Variants in AP2S1 observed in about 807,000 individuals in gnomAD.
The protein encoded by AP2S1 is adaptor related protein complex 2 subunit sigma 1.
Under a neutral mutation model 21.0 loss-of-function variants are expected in AP2S1, and 6 were observed. That is an observed-to-expected ratio of 0.29 (90% CI 0.16 to 0.56). The LOEUF (loss-of-function observed/expected upper bound fraction) is 0.56, where lower values mean the gene tolerates loss of function less well. AP2S1 is among the 20% of genes least tolerant of loss of function. The pLI, the probability that AP2S1 is intolerant of heterozygous loss-of-function variation, is 0.92. For missense variants in AP2S1, 60 were observed against 186.2 expected (o/e 0.32, Z 3.95); for synonymous variants, 63 against 74.6 (o/e 0.84, Z 0.80).
intron 2 of AP2S1, 90 bp from the exon 3 acceptor site, chr19:46,839,668 A>C (rs1438443435): frequency 6.3e-7 from 1 of 1,584,146 alleles, no homozygotes; most frequent in Non-Finnish European, 8.6e-7. Flanking sequence ...CCTTCACTCC[A>C]TACGTGGTCC....
At chr19:46,843,616 G>A (rs551714712) in intron 2 of AP2S1, among the ~76,000 whole-genome samples, 7 of 152,196 alleles carry the variant, frequency 4.6e-5, no homozygotes, top group African/African-American at 1.4e-4. Flanking sequence ...CCAGCTACTC[G>A]GGAGGCTGAG....
At chr19:46,839,410 G>C (rs1484061041) in intron 3 of AP2S1, 55 bp downstream of exon 3, 1 of 1,590,790 alleles carries the variant, frequency 6.3e-7, no homozygotes, top group Non-Finnish European at 8.6e-7. Context: ...GGCCTTGGGG[G>C]CCACTCCAGG....
At chr19:46,840,948 G>T (rs954481459) in intron 2 of AP2S1, among the ~76,000 whole-genome samples, 2 of 150,852 alleles carry the variant, frequency 1.3e-5, no homozygotes, top group Non-Finnish European at 3.0e-5. Flanking sequence ...ATGTTTTCAG[G>T]GTTTTTTTTG....
chr19:46,846,039 T>C lies in AP2S1; in HGVS notation c.107A>G (p.His36Arg). 6.2e-7 allele frequency: 1 copy of C among 1,614,140 alleles called. No individual in the cohort carries two copies. The highest frequency in any genetic ancestry group is 8.5e-7 in the Non-Finnish European group (1 of 1,180,032). ...DEKQKLIEEVHAVVTVRDAKH... is the reference protein window; with the variant it reads ...DEKQKLIEEVRAVVTVRDAKH... Reference sequence around the variant, plus strand: ...GGCGTCTCGGACGGTGACCACGGCATGCACCTCCTCGATCAGCTTCTGTTT... The same window carrying C: ...GGCGTCTCGGACGGTGACCACGGCACGCACCTCCTCGATCAGCTTCTGTTT... The change falls in exon 2 of 5, where the codon CAT becomes CGT. Residue 36 changes from histidine to arginine, a missense_variant. His to Arg is a conservative substitution (Grantham distance 29, BLOSUM62 0). Transcript: ENST00000263270.
At chr19:46,841,678 G>T (rs1293362513) in intron 2 of AP2S1, among the ~76,000 whole-genome samples, 1 of 152,244 alleles carries the variant, frequency 6.6e-6, no homozygotes, top group Non-Finnish European at 1.5e-5. Flanking sequence ...CCTGCAAAGG[G>T]CTGGCACAGG....
intron 1 of AP2S1, 178 bp downstream of exon 1, chr19:46,850,586 G>T: frequency 1.6e-6 from 1 of 643,936 alleles, no homozygotes; most frequent in East Asian, 3.4e-5. Context: ...ACCCCCGCGC[G>T]CAGAATCACC....
At chr19:46,841,991 G>A (rs940376801) in intron 2 of AP2S1, among the ~76,000 whole-genome samples, 2 of 152,102 alleles carry the variant, frequency 1.3e-5, no homozygotes, top group African/African-American at 4.8e-5. Flanking sequence ...GAGCAGTTTA[G>A]GCAACATATC....
At chr19:46,849,952 C>T (rs778395551) in intron 1 of AP2S1, among the ~76,000 whole-genome samples, 5 of 152,156 alleles carry the variant, frequency 3.3e-5, no homozygotes, top group Non-Finnish European at 4.4e-5. Context: ...AGAACCCTTT[C>T]CTAGATCCAA....
intron 1 of AP2S1, among the ~76,000 whole-genome samples, chr19:46,849,130 C>G (rs1164083198): frequency 6.7e-6 from 1 of 150,254 alleles, no homozygotes; most frequent in Non-Finnish European, 1.5e-5. Context: ...CTCAGCCTCC[C>G]AAGTAGCTGG....
intron 2 of AP2S1, among the ~76,000 whole-genome samples, chr19:46,844,069 C>T (rs2122781461): frequency 6.6e-6 from 1 of 152,152 alleles, no homozygotes; most frequent in Middle Eastern, 3.4e-3. Flanking sequence ...CACGACCAGG[C>T]CCGGCTAATT....
intron 2 of AP2S1, among the ~76,000 whole-genome samples, chr19:46,844,068 G>A (rs929630614): frequency 6.6e-6 from 1 of 151,942 alleles, no homozygotes; most frequent in Non-Finnish European, 1.5e-5. Context: ...CCACGACCAG[G>A]CCCGGCTAAT....
At chr19:46,848,873 C>T (rs1018264900) in intron 1 of AP2S1, among the ~76,000 whole-genome samples, 1 of 151,126 alleles carries the variant, frequency 6.6e-6, no homozygotes, top group African/African-American at 2.4e-5. Context: ...CCACCATGCC[C>T]GGCTAATTTT....
At chr19:46,845,947 G>A in intron 2 of AP2S1, 46 bp downstream of exon 2, 1 of 1,611,094 alleles carries the variant, frequency 6.2e-7, no homozygotes, top group East Asian at 2.2e-5. Context: ...GGCGAAGTAG[G>A]GCACGAGGAA....
intron 1 of AP2S1, chr19:46,850,052 G>A: frequency 8.8e-7 from 1 of 1,138,556 alleles, no homozygotes; most frequent in African/African-American, 1.6e-5. Context: ...ACACTTTCAA[G>A]CCTACTCCCC....
chr19:46,838,682 G>A lies in AP2S1; in HGVS notation c.327+58C>T, dbSNP rs888089729. ...AGGCTCCGGGTGGCTAGTGCACCAC[G>A]GGTCCCCCCCGTCCCCCTCCTCTGG... On this transcript the variant is annotated intron_variant, in intron 4 of 4. Transcript: ENST00000263270. The surrounding 1 kb of genome is among the most constrained non-coding windows in gnomAD (Gnocchi z 4.1). 7 of 1,595,720 alleles carry A rather than the reference G, an allele frequency of 4.4e-6. No homozygotes were observed. The Admixed American group carries it at 8.4e-5, about 19-fold the overall frequency.
chr19:46,844,766 C>T (rs1001876315), intron 2 of AP2S1, among the ~76,000 whole-genome samples: 2 of 151,966 alleles, frequency 1.3e-5, no homozygotes, highest in African/African-American at 2.4e-5. Context: ...TGCCACTGCA[C>T]TCCCGCCTGG....
intron 1 of AP2S1, among the ~76,000 whole-genome samples, chr19:46,849,762 A>T (rs1255219275): frequency 6.6e-6 from 1 of 150,768 alleles, no homozygotes; most frequent in Non-Finnish European, 1.5e-5. Context: ...TCTCAGTCTC[A>T]GTTCCCCTCC....
intron 1 of AP2S1, among the ~76,000 whole-genome samples, chr19:46,847,023 A>G (rs1419600622): frequency 1.3e-5 from 2 of 152,144 alleles, no homozygotes; most frequent in African/African-American, 4.8e-5. Flanking sequence ...GGTGGCTGGT[A>G]GGTGGTAGAT....
chr19:46,845,057 C>G (rs1183525293), intron 2 of AP2S1, among the ~76,000 whole-genome samples: 1 of 148,040 alleles, frequency 6.8e-6, no homozygotes, highest in African/African-American at 2.5e-5. Context: ...AAGATTGCCC[C>G]CATTGCACTC....
Sources: gnomAD v4.1 joint callset for allele counts (sites outside exome capture counted in the v4.1 genomes callset) on GRCh38, gnomAD v4.1.1 for gene constraint, Gnocchi (gnomAD v3.1) non-coding constraint, MANE v1.5 for transcripts, NCBI Gene and HGNC (gene_info 2026-07-23, HGNC 2026-07-21) for gene names.